The following STRA8 variants were observed in gnomAD, a reference collection of about 807,000 sequenced individuals.
The protein encoded by STRA8 is stimulated by retinoic acid gene 8 protein homolog.
In STRA8, 18 loss-of-function variants were observed where a neutral mutation model predicts 37.1. The observed-to-expected ratio is 0.48, with a 90% CI of 0.34 to 0.72. The LOEUF (loss-of-function observed/expected upper bound fraction) is 0.72, where lower values mean the gene tolerates loss of function less well. Among genes scored for constraint, STRA8 ranks in the 30% least tolerant of loss-of-function variants. STRA8 has a pLI of 0.01. For missense variants in STRA8, 357 were observed against 410.4 expected (o/e 0.87, Z 1.13); for synonymous variants, 168 against 162.9 (o/e 1.03, Z -0.24).
intron 8 of STRA8, 83 bp downstream of exon 8, chr7:135,255,308 A>AACTCACCCC (rs1832690205): frequency 1.0e-6 from 1 of 994,398 alleles, no homozygotes; most frequent in African/African-American, 1.6e-5. Context: ...CCCTAACCAG[A>AACTCACCCC]ACTCACCCCA....
chr7:135,246,660 C>G lies in STRA8; in HGVS notation c.837C>G (p.Asp279Glu). 6.5e-7 allele frequency: 1 copy of G among 1,533,976 alleles called. No homozygotes were observed. ...GCAGCGTGAAGGACAGCGGCGTGGA[C>G]AGCCAGGGGGCCAGCTGCTCGCTGG... ...AEGSVKDSGV[D>E]SQGASCSLVS... The change falls in exon 6 of 9, where the codon GAC becomes GAG. Residue 279 changes from aspartate to glutamate, a missense_variant. Transcript: ENST00000662584. The surrounding 1 kb of genome is among the most constrained non-coding windows in gnomAD (Gnocchi z 5.4).
In STRA8 at chr7:135,242,777, T is replaced by G. The variant is rs748087628; in HGVS notation, c.193-4T>G. ...CTTTCAGCATTGTCTCTGTCTATCC[T>G]CAGTGGCAGGTTCTGAATAAGGCAA... On this transcript the variant is annotated splice_region_variant and splice_polypyrimidine_tract_variant and intron_variant, in intron 2 of 8. Coordinates refer to ENST00000662584, the MANE Select transcript of STRA8 (RefSeq NM_001394401.1). 2 of 1,614,098 alleles carry G rather than the reference T, an allele frequency of 1.2e-6. No individual in the cohort carries two copies. The highest frequency in any genetic ancestry group is 3.3e-5 in the Admixed American group (2 of 60,032).
intron 4 of STRA8, among the ~76,000 whole-genome samples, chr7:135,243,776 A>G (rs951769284): frequency 1.3e-5 from 2 of 152,252 alleles, no homozygotes; most frequent in African/African-American, 4.8e-5. Context: ...TAGTGTTTAC[A>G]TTATATTATA....
intron 4 of STRA8, 125 bp from the exon 5 acceptor site, chr7:135,245,163 A>G: frequency 1.5e-6 from 1 of 645,916 alleles, no homozygotes; most frequent in Non-Finnish European, 2.9e-6. Flanking sequence ...TTTGGTCATG[A>G]TGTGTACACC....
At chr7:135,232,916 C>A (rs1357866473), upstream of STRA8, among the ~76,000 whole-genome samples, 1 of 152,218 alleles carries the variant, frequency 6.6e-6, no homozygotes, top group Non-Finnish European at 1.5e-5. Context: ...CATCAGATGG[C>A]AGCAAGGGGG....
chr7:135,256,100 G>A (rs1337974092), intron 8 of STRA8, among the ~76,000 whole-genome samples: 1 of 152,200 alleles, frequency 6.6e-6, no homozygotes, highest in East Asian at 1.9e-4. Context: ...CAAGGGGACA[G>A]GTCCTTTCAA....
In STRA8 at chr7:135,249,046, G is replaced by A. The variant is rs569812754; in HGVS notation, c.879+2344G>A. ...AAACAGATGTGTTTACAGCCCCAAA[G>A]TGCCAAGCCCTGGAGTCTCACATGA... On this transcript the variant is annotated intron_variant, in intron 6 of 8. Transcript: ENST00000662584. 2.0e-5 allele frequency among the ~76,000 whole-genome samples: 3 copies of A among 152,282 alleles called. No individual in the cohort carries two copies. The South Asian group carries it at 6.2e-4, about 32-fold the overall frequency.
intron 2 of STRA8, among the ~76,000 whole-genome samples, chr7:135,240,934 G>A (rs1372621167): frequency 6.6e-6 from 1 of 152,100 alleles, no homozygotes; most frequent in Non-Finnish European, 1.5e-5. Flanking sequence ...CATCAGATTG[G>A]GTGTCTGGTG....
chr7:135,255,195 C>A lies in STRA8; in HGVS notation c.1035C>A (p.Gly345=). ...TGCAGATCATCAACTTTTTTAAAGG[C>A]CTTAGCTGTGCAAACACTCAAGTAA... ...LYMQIINFFK[G]LSCANTQVKQ... is the part of the protein sequence containing the mutation. Residue 345 remains glycine (G), a synonymous_variant, in exon 8 of 9, where the codon GGC becomes GGA. Coordinates refer to ENST00000662584, the MANE Select transcript of STRA8 (RefSeq NM_001394401.1). The A allele has an allele frequency of 6.2e-7, 1 of 1,613,866 alleles. No homozygotes were observed. Among genetic ancestry groups the A allele is most frequent in the Admixed American group, 1.7e-5 (1 of 60,012 alleles).
At chr7:135,235,915 C>T (rs1404039216) in intron 1 of STRA8, among the ~76,000 whole-genome samples, 1 of 152,024 alleles carries the variant, frequency 6.6e-6, no homozygotes, top group Admixed American at 6.6e-5. Context: ...TCAAGACCAA[C>T]CCGGGCAACA....
Position 135,251,793 on chromosome 7 carries a change from C to T in STRA8, c.880-3C>T. The T allele has an allele frequency of 6.2e-7, 1 of 1,614,130 alleles. No individual in the cohort carries two copies. The highest frequency in any genetic ancestry group is 8.5e-7 in the Non-Finnish European group (1 of 1,179,998). ...ACACATGAAGTGTTGTGCTTTCTTT[C>T]AGATCCTTTTTGAGGATGCCTTTGA... is the stretch of plus-strand genomic sequence containing the variant. On this transcript the variant is annotated splice_region_variant and splice_polypyrimidine_tract_variant and intron_variant, in intron 6 of 8. Transcript: ENST00000662584.
chr7:135,242,963 T>C (rs1585471828), intron 3 of STRA8, 107 bp downstream of exon 3: 1 of 1,216,794 alleles, frequency 8.2e-7, no homozygotes, highest in East Asian at 2.3e-5. Context: ...AAATATTTAT[T>C]GAGGGCCTAC....
Position 135,240,533 on chromosome 7 carries a change from C to G in STRA8, c.9C>G (p.Thr3=). The G allele has an allele frequency of 6.2e-7, 1 of 1,614,068 alleles. No homozygotes were observed. Among genetic ancestry groups the G allele is most frequent in the Non-Finnish European group, 8.5e-7 (1 of 1,180,014 alleles). ...TTACATTACAGCTTATAATGGCAAC[C>G]CCTGAAGAAAACAGCAATCCCCATG... MA[T]PEENSNPHDR... is the part of the protein sequence containing the mutation. Residue 3 remains threonine (T), a synonymous_variant, in exon 2 of 9, where the codon ACC becomes ACG. Transcript: ENST00000662584.
intron 1 of STRA8, among the ~76,000 whole-genome samples, chr7:135,235,863 C>A (rs1226517865): frequency 6.6e-6 from 1 of 152,182 alleles, no homozygotes; most frequent in Non-Finnish European, 1.5e-5. Context: ...AAAGCCAGCA[C>A]TTTGGGAGGC....
chr7:135,246,844 TTC>T lies in STRA8; in HGVS notation c.879+146_879+147del, dbSNP rs1230282288. On this transcript the variant is annotated intron_variant, in intron 6 of 8. Coordinates refer to ENST00000662584, the MANE Select transcript of STRA8 (RefSeq NM_001394401.1). This position sits in a 1 kb window ranked among gnomAD's most constrained non-coding sequence, Gnocchi z 5.4. ...CAAGGTCGGTTTCTGATTTTCTTTT[TTC>T]TCTTTTTTTTTTTTTTGAGACGGAG... 1.4e-5 allele frequency: 13 copies of T among 911,314 alleles called. No individual in the cohort carries two copies. In the East Asian group the frequency reaches 3.4e-4, roughly 24 times the overall value. The allele number at this position is 911,314 out of a possible 1,614,324, so 56.5% of individuals were successfully genotyped here. A position where few individuals can be genotyped will look rare whatever the true frequency, so the allele number is the denominator to read the frequency against.
In STRA8 at chr7:135,233,843, G is replaced by A. The variant is rs1264898506; in HGVS notation, c.-67G>A. On this transcript the variant is annotated 5_prime_UTR_variant, in exon 1 of 9. Transcript: ENST00000662584. ...AGACAGGAACCGCGATCCCCACTCC[G>A]GCGCACGAAGCCGGGTGACTGCTGT... Among the ~76,000 whole-genome samples, 2 of 152,170 alleles carry A rather than the reference G, an allele frequency of 1.3e-5. No homozygotes were observed. Among genetic ancestry groups the A allele is most frequent in the Non-Finnish European group, 2.9e-5 (2 of 68,036 alleles).
upstream of STRA8, among the ~76,000 whole-genome samples, chr7:135,233,249 A>C (rs1172519432): frequency 6.6e-6 from 1 of 152,140 alleles, no homozygotes; most frequent in Admixed American, 6.6e-5. Flanking sequence ...GAGCTATTAA[A>C]GGTCCCTTCT....
Position 135,246,651 on chromosome 7 carries a change from C to T in STRA8, c.828C>T (p.Ser276=). Residue 276 remains serine (S), a synonymous_variant, in exon 6 of 9, where the codon AGC becomes AGT. Transcript: ENST00000662584. The surrounding 1 kb of genome is among the most constrained non-coding windows in gnomAD (Gnocchi z 5.4). ...GTGCCGAGGGCAGCGTGAAGGACAG[C>T]GGCGTGGACAGCCAGGGGGCCAGCT... is the stretch of plus-strand genomic sequence containing the variant. The part of the protein sequence containing the change: ...PACAEGSVKD[S]GVDSQGASCS... 3.3e-6 allele frequency: 5 copies of T among 1,535,312 alleles called. No homozygotes were observed. The highest frequency in any genetic ancestry group is 1.2e-5 in the South Asian group (1 of 83,872).
At chr7:135,236,028 G>A (rs1832371712) in intron 1 of STRA8, among the ~76,000 whole-genome samples, 1 of 152,022 alleles carries the variant, frequency 6.6e-6, no homozygotes, top group South Asian at 2.1e-4. Flanking sequence ...CTTGAGCCTA[G>A]GAGTTTGAGG....
Sources: gnomAD v4.1 joint callset for allele counts (sites outside exome capture counted in the v4.1 genomes callset) on GRCh38, gnomAD v4.1.1 for gene constraint, Gnocchi (gnomAD v3.1) non-coding constraint, MANE v1.5 for transcripts, NCBI Gene and HGNC (gene_info 2026-07-23, HGNC 2026-07-21) for gene names.